The following SUGP2 variants were observed in gnomAD, a reference collection of about 807,000 sequenced individuals.
The protein encoded by SUGP2 is SURP and G-patch domain-containing protein 2.
A neutral mutation model predicts 90.5 loss-of-function variants in SUGP2; 24 were observed. The observed-to-expected ratio is 0.27, with a 90% confidence interval of 0.19 to 0.37. The LOEUF (loss-of-function observed/expected upper bound fraction) is 0.37, where lower values mean the gene tolerates loss of function less well. Among genes scored for constraint, SUGP2 ranks in the 10% least tolerant of loss-of-function variants. SUGP2 has a pLI of 1.00. For synonymous variants in SUGP2, 473 were observed against 513.4 expected, an observed-to-expected ratio of 0.92 and a Z score of 1.06; for missense variants, 1,233 against 1,363.3, an observed-to-expected ratio of 0.90 and a Z score of 1.51.
chr19:19,011,723 G>A (rs891383004), intron 4 of SUGP2, among the ~76,000 whole-genome samples: 1 of 152,110 alleles, frequency 6.6e-6, no homozygotes, highest in African/African-American at 2.4e-5. Flanking sequence ...TAAGATGGGC[G>A]TGGTGGCTCA....
intron 4 of SUGP2, among the ~76,000 whole-genome samples, chr19:19,014,333 C>T (rs941015584): frequency 7.2e-5 from 11 of 152,086 alleles, no homozygotes; most frequent in African/African-American, 1.9e-4. Context: ...CAGGTCACCT[C>T]GGCAAAGAGG....
intron 8 of SUGP2, among the ~76,000 whole-genome samples, chr19:18,999,581 G>C (rs908541625): frequency 6.6e-6 from 1 of 152,154 alleles, no homozygotes; most frequent in Non-Finnish European, 1.5e-5. Flanking sequence ...CCTAAAACCT[G>C]GCACATCAGT....
chr19:19,016,278 A>C (rs1467497957), intron 4 of SUGP2, among the ~76,000 whole-genome samples: 1 of 151,934 alleles, frequency 6.6e-6, no homozygotes, highest in African/African-American at 2.4e-5. Context: ...TGATCCACCC[A>C]CCTTATAGGT....
intron 5 of SUGP2, 38 bp downstream of exon 5, chr19:19,009,817 C>A: frequency 6.4e-7 from 1 of 1,559,490 alleles, no homozygotes; most frequent in Non-Finnish European, 8.7e-7. Context: ...AGAGTAGGGA[C>A]TGGGGCCCAG....
At position 18,995,288 on chromosome 19, in the gene SUGP2, G is replaced by C; in HGVS notation, c.2992-8C>G. The C allele has an allele frequency of 6.2e-7, 1 of 1,600,204 alleles. No homozygotes were observed. The highest frequency in any genetic ancestry group is 8.5e-7 in the Non-Finnish European group (1 of 1,173,230). ...GTCCAAGTCCTTGGGTTTCTGAGGA[G>C]AGAGGAGAGTCCAGGCATGTGGGCC... On this transcript the variant is annotated splice_polypyrimidine_tract_variant and splice_region_variant and intron_variant, in intron 8 of 10. Coordinates refer to ENST00000452918, the MANE Select transcript of SUGP2 (RefSeq NM_001017392.5).
At chr19:19,009,021 C>T (rs1228208510) in intron 5 of SUGP2, among the ~76,000 whole-genome samples, 1 of 152,162 alleles carries the variant, frequency 6.6e-6, no homozygotes, top group Non-Finnish European at 1.5e-5. Flanking sequence ...AAGCGATTCT[C>T]CTAGCTCAGC....
chr19:19,027,628 T>C (rs1326258159), intron 2 of SUGP2, among the ~76,000 whole-genome samples: 1 of 152,110 alleles, frequency 6.6e-6, no homozygotes, highest in Non-Finnish European at 1.5e-5. Context: ...TCTGACACTT[T>C]TTTTTTTCTT....
chr19:19,023,218 T>C (rs1332855525), intron 3 of SUGP2, among the ~76,000 whole-genome samples: 3 of 152,228 alleles, frequency 2.0e-5, no homozygotes, highest in East Asian at 1.9e-4. Context: ...GGCTGTTCCC[T>C]ACACATCCCT....
intron 10 of SUGP2, chr19:18,994,015 CTG>C (rs1251128820): frequency 2.2e-5 from 4 of 181,734 alleles, no homozygotes; most frequent in African/African-American, 7.1e-5. Flanking sequence ...TGGCTGTCAT[CTG>C]TGAGAGAAAA....
intron 8 of SUGP2, among the ~76,000 whole-genome samples, chr19:18,999,238 A>G (rs901705737): frequency 5.3e-5 from 8 of 152,168 alleles, no homozygotes; most frequent in African/African-American, 1.9e-4. Context: ...TGCAGAGGAA[A>G]GCTGCAGCCA....
chr19:18,997,813 A>AAAGAAAGC (rs1568378769), intron 8 of SUGP2, among the ~76,000 whole-genome samples: 62 of 151,670 alleles, frequency 4.1e-4, no homozygotes, highest in African/African-American at 1.5e-3. Flanking sequence ...AGAAAGAAAG[A>AAAGAAAGC]AAGAAAGCGA....
Position 19,024,982 on chromosome 19 carries a change from T to C in SUGP2, c.1366A>G (p.Met456Val), listed in dbSNP as rs1193582981. Residue 456 changes from methionine to valine, a missense_variant, in exon 3 of 11, where the codon ATG (methionine) becomes GTG (valine). Around this residue, in one of 8 missense-constraint regions of SUGP2, gnomAD observed 59 missense variants for 92.6 expected, o/e 0.64. Coordinates refer to ENST00000452918, the MANE Select transcript of SUGP2 (RefSeq NM_001017392.5). Reference protein sequence around the residue: ...ACNAYELSVKMKTLSNPLDLA... With the variant: ...ACNAYELSVKVKTLSNPLDLA... ...TCCAGGGGGTTACTGAGGGTCTTCATCTTGACACTTAGCTCGTAGGCATTG... is the reference window on the plus strand; with the variant it reads ...TCCAGGGGGTTACTGAGGGTCTTCACCTTGACACTTAGCTCGTAGGCATTG... The C allele has an allele frequency of 6.2e-7, 1 of 1,614,036 alleles. No homozygotes were observed.
intron 4 of SUGP2, among the ~76,000 whole-genome samples, chr19:19,013,703 A>T (rs2058387385): frequency 6.6e-6 from 1 of 152,226 alleles, no homozygotes; most frequent in Non-Finnish European, 1.5e-5. Flanking sequence ...TGCTGAGGCT[A>T]GACCACAGGG....
At position 19,008,168 on chromosome 19, in the gene SUGP2, G is replaced by A. The variant is rs1371300501; in HGVS notation, c.2450+149C>T. ...CTAAAGGGTGTAATGGCCAGTTGCAGTGGAGCACACCTGTGGTCCCAGCTA... is the reference window on the plus strand; with the variant it reads ...CTAAAGGGTGTAATGGCCAGTTGCAATGGAGCACACCTGTGGTCCCAGCTA... On this transcript the variant is annotated intron_variant, in intron 6 of 10. Coordinates refer to ENST00000452918, the MANE Select transcript of SUGP2 (RefSeq NM_001017392.5). 8.4e-6 allele frequency: 6 copies of A among 718,530 alleles called. No homozygotes were observed. In the African/African-American group the frequency reaches 1.0e-4, roughly 12 times the overall value. 44.5% of individuals were successfully genotyped at this position (718,530 alleles called of 1,614,324 possible).
chr19:19,033,585 G>A, upstream of SUGP2: 1 of 1,197,392 alleles, frequency 8.4e-7, no homozygotes. Context: ...GAGTCCTGGT[G>A]CGCAGGCGCG....
chr19:19,005,280 A>G (rs964058500), intron 6 of SUGP2, among the ~76,000 whole-genome samples: 1 of 152,176 alleles, frequency 6.6e-6, no homozygotes, highest in East Asian at 1.9e-4. Flanking sequence ...CGAAAGCACC[A>G]AAGTCCACTT....
chr19:19,023,499 T>G (rs2145675553), intron 3 of SUGP2, among the ~76,000 whole-genome samples: 1 of 152,256 alleles, frequency 6.6e-6, no homozygotes, highest in Non-Finnish European at 1.5e-5. Flanking sequence ...GGCTCACAAG[T>G]GACTGGTCTT....
intron 8 of SUGP2, among the ~76,000 whole-genome samples, chr19:18,999,602 A>C (rs2057750667): frequency 6.6e-6 from 1 of 152,106 alleles, no homozygotes; most frequent in Admixed American, 6.5e-5. Context: ...AAGGACTATG[A>C]GCTCTGGACT....
chr19:19,020,510 G>A (rs2145633650), intron 3 of SUGP2, among the ~76,000 whole-genome samples: 1 of 150,274 alleles, frequency 6.7e-6, no homozygotes, highest in East Asian at 2.1e-4. Flanking sequence ...GTGGTCCCAT[G>A]ACAGCTCACT....
Sources: allele counts gnomAD v4.1 joint callset (sites outside exome capture counted in the v4.1 genomes callset), GRCh38; gene constraint gnomAD v4.1.1; regional missense constraint gnomAD v4.1.1; transcripts MANE v1.5; gene names NCBI Gene and HGNC (gene_info 2026-07-23, HGNC 2026-07-21).